PRR5L: variants seen among roughly 807,000 people sequenced by gnomAD.
PRR5L encodes proline rich 5 like.
A neutral mutation model predicts 36.4 loss-of-function variants in PRR5L; 21 were observed. The ratio of observed to expected loss-of-function variants is 0.58; its 90% CI spans 0.41 to 0.83. The LOEUF (loss-of-function observed/expected upper bound fraction) is 0.83. Ranked by LOEUF, PRR5L falls within the 40% of genes least tolerant of loss-of-function variation. The pLI, the probability that PRR5L is intolerant of heterozygous loss-of-function variation, is 0.00. For missense variants in PRR5L, 381 were observed against 473.3 expected (o/e 0.80, Z 1.81); for synonymous variants, 188 against 197.0 (o/e 0.95, Z 0.38).
intron 1 of PRR5L, among the ~76,000 whole-genome samples, chr11:36,369,184 G>A (rs1270713017): frequency 6.6e-6 from 1 of 152,150 alleles, no homozygotes; most frequent in Non-Finnish European, 1.5e-5. Context: ...TTGAACTGAT[G>A]GGCAGAGACA....
intron 8 of PRR5L, among the ~76,000 whole-genome samples, chr11:36,452,106 G>A (rs2133626017): frequency 6.6e-6 from 1 of 152,282 alleles, no homozygotes; most frequent in South Asian, 2.1e-4. Context: ...GTTATTGTCT[G>A]AAATATAAAC....
intron 8 of PRR5L, among the ~76,000 whole-genome samples, chr11:36,458,834 G>A (rs1859118597): frequency 6.6e-6 from 1 of 152,232 alleles, no homozygotes; most frequent in Non-Finnish European, 1.5e-5. Context: ...CAAGTGTGGT[G>A]GAAATACTGA....
chr11:36,351,372 A>G (rs1394125845), intron 1 of PRR5L, among the ~76,000 whole-genome samples: 1 of 86,114 alleles, frequency 1.2e-5, no homozygotes, highest in Non-Finnish European at 2.0e-5. Flanking sequence ...AAATATATAT[A>G]CATATATATC....
chr11:36,304,685 CACACAA>C (rs1482529612), intron 1 of PRR5L, among the ~76,000 whole-genome samples: 4 of 152,154 alleles, frequency 2.6e-5, no homozygotes, highest in African/African-American at 9.7e-5. Context: ...CTGTTGTACA[CACACAA>C]TTTTGGACAC....
intron 1 of PRR5L, among the ~76,000 whole-genome samples, chr11:36,325,724 TC>T (rs1856655642): frequency 6.6e-6 from 1 of 152,192 alleles, no homozygotes; most frequent in Admixed American, 6.5e-5. Context: ...GGATTCTTAG[TC>T]GGCCTGGGAA....
chr11:36,378,904 G>T (rs144684631), intron 1 of PRR5L, among the ~76,000 whole-genome samples: 201 of 152,302 alleles, frequency 1.3e-3, no homozygotes, highest in African/African-American at 4.6e-3. Context: ...ATGGAGCTGA[G>T]AATGGATTAC....
chr11:36,383,372 C>A (rs1469976423), intron 1 of PRR5L, among the ~76,000 whole-genome samples: 3 of 152,266 alleles, frequency 2.0e-5, no homozygotes, highest in South Asian at 4.1e-4. Flanking sequence ...ACATTTGTCC[C>A]CACTCAGTCC....
chr11:36,297,942 T>A (rs990369830), intron 1 of PRR5L, among the ~76,000 whole-genome samples: 5 of 152,208 alleles, frequency 3.3e-5, no homozygotes, highest in African/African-American at 1.2e-4. Context: ...AGTCCGTACT[T>A]GGTTAATGCT....
At chr11:36,402,455 C>G (rs1191204157) in intron 2 of PRR5L, among the ~76,000 whole-genome samples, 1 of 152,186 alleles carries the variant, frequency 6.6e-6, no homozygotes, top group Non-Finnish European at 1.5e-5. Context: ...GTTGGCCAGA[C>G]TGGTCTCGAA....
intron 1 of PRR5L, among the ~76,000 whole-genome samples, chr11:36,310,309 T>G (rs1236698762): frequency 6.6e-6 from 1 of 152,148 alleles, no homozygotes; most frequent in Non-Finnish European, 1.5e-5. Context: ...CTGCCTTAAG[T>G]ATATTTCCAC....
chr11:36,308,201 CA>C (rs1374363357), intron 1 of PRR5L, among the ~76,000 whole-genome samples: 1 of 152,234 alleles, frequency 6.6e-6, no homozygotes, highest in Non-Finnish European at 1.5e-5. Flanking sequence ...GAGACTCAAA[CA>C]TGCAATTGTG....
chr11:36,350,631 C>A (rs1392513394), intron 1 of PRR5L, among the ~76,000 whole-genome samples: 2 of 151,478 alleles, frequency 1.3e-5, no homozygotes, highest in African/African-American at 4.9e-5. Context: ...TTTTGGTGCA[C>A]CCGTCACGCG....
intron 1 of PRR5L, among the ~76,000 whole-genome samples, chr11:36,325,130 T>C (rs921533054): frequency 3.3e-5 from 5 of 152,114 alleles, no homozygotes; most frequent in African/African-American, 1.2e-4. Flanking sequence ...TCTTGGGCCA[T>C]GCGGTGAGTT....
chr11:36,353,068 C>T (rs1010197401), intron 1 of PRR5L, among the ~76,000 whole-genome samples: 7 of 152,218 alleles, frequency 4.6e-5, no homozygotes, highest in African/African-American at 1.7e-4. Context: ...TAGCCCACTG[C>T]AACCTCAAAC....
chr11:36,364,406 TG>T (rs749715626), intron 1 of PRR5L, among the ~76,000 whole-genome samples: 23 of 152,278 alleles, frequency 1.5e-4, no homozygotes, highest in Non-Finnish European at 3.1e-4. Context: ...GGGATCAAAT[TG>T]CCTCAGTTCA....
intron 1 of PRR5L, among the ~76,000 whole-genome samples, chr11:36,308,368 G>A (rs948767399): frequency 6.6e-6 from 1 of 152,166 alleles, no homozygotes; most frequent in Non-Finnish European, 1.5e-5. Flanking sequence ...AAGGGGATTT[G>A]AAAGTTTGGT....
intron 1 of PRR5L, among the ~76,000 whole-genome samples, chr11:36,386,035 C>A (rs35591996): frequency 0.2 from 31,168 of 152,196 alleles, 4,007 homozygotes; most frequent in East Asian, 0.38. Flanking sequence ...GTGGCTCACA[C>A]CTGTAATCCC....
intron 5 of PRR5L, among the ~76,000 whole-genome samples, chr11:36,432,243 T>C (rs1256728022): frequency 3.9e-5 from 6 of 152,172 alleles, no homozygotes; most frequent in Non-Finnish European, 8.8e-5. Flanking sequence ...TAAGTTATAC[T>C]GTGAATCCTC....
intron 1 of PRR5L, among the ~76,000 whole-genome samples, chr11:36,366,121 C>G (rs1857141616): frequency 6.6e-6 from 1 of 152,212 alleles, no homozygotes; most frequent in Non-Finnish European, 1.5e-5. Flanking sequence ...AGAACTTACA[C>G]TGGGAAATAA....
Sources: gnomAD v4.1 joint callset for allele counts (sites outside exome capture counted in the v4.1 genomes callset) on GRCh38, gnomAD v4.1.1 for gene constraint, MANE v1.5 for transcripts, NCBI Gene and HGNC (gene_info 2026-07-23, HGNC 2026-07-21) for gene names.